The following TMEM202 variants were observed in gnomAD, a reference collection of about 807,000 sequenced individuals.
The protein encoded by TMEM202 is transmembrane protein 202.
TMEM202 carries 25 observed loss-of-function variants against 26.1 expected under a neutral mutation model. The observed-to-expected ratio is 0.96, with a 90% CI of 0.70 to 1.34. The LOEUF (loss-of-function observed/expected upper bound fraction) is 1.34. Ranked by LOEUF, TMEM202 falls within the 40% of genes most tolerant of loss-of-function variation. The pLI, the probability that TMEM202 is intolerant of heterozygous loss-of-function variation, is 0.00. For missense variants in TMEM202, 301 were observed against 327.7 expected, an observed-to-expected ratio of 0.92 and a Z score of 0.63; for synonymous variants, 122 against 119.0, an observed-to-expected ratio of 1.02 and a Z score of -0.16.
rs768075602 is a variant in TMEM202, at chr15:72,407,907, C to G, written c.*14C>G. On this transcript the variant is annotated 3_prime_UTR_variant, in exon 5 of 5. Transcript: ENST00000341689. ...CTGTGGTGGTGATAGGAAAACCTAA[C>G]TATAGCTTGTCTTAAAAGCAGGGGA... is the stretch of plus-strand genomic sequence containing the variant. 6.2e-7 allele frequency: 1 copy of G among 1,607,436 alleles called. No individual in the cohort carries two copies. Among genetic ancestry groups the G allele is most frequent in the East Asian group, 2.2e-5 (1 of 44,738 alleles).
chr15:72,404,239 C>A (rs1446354003), intron 2 of TMEM202, among the ~76,000 whole-genome samples: 1 of 151,902 alleles, frequency 6.6e-6, no homozygotes. Flanking sequence ...CATGGTGAAA[C>A]CCCACCTCCA....
intron 2 of TMEM202, among the ~76,000 whole-genome samples, chr15:72,400,919 G>A (rs181212473): frequency 6.6e-6 from 1 of 152,298 alleles, no homozygotes; most frequent in East Asian, 1.9e-4. Context: ...GCAATTCCCG[G>A]AACTAAGGGT....
At chr15:72,407,463 A>G (rs2063578020) in intron 4 of TMEM202, among the ~76,000 whole-genome samples, 1 of 152,146 alleles carries the variant, frequency 6.6e-6, no homozygotes, top group Non-Finnish European at 1.5e-5. Flanking sequence ...CACACAGAAA[A>G]TAGTGGAACT....
chr15:72,401,316 G>A (rs1326952816), intron 2 of TMEM202, among the ~76,000 whole-genome samples: 2 of 152,102 alleles, frequency 1.3e-5, no homozygotes, highest in Admixed American at 6.5e-5. Context: ...AGGCTGAGGT[G>A]GGGGATCACT....
intron 2 of TMEM202, among the ~76,000 whole-genome samples, chr15:72,401,122 A>G (rs2063545644): frequency 6.6e-6 from 1 of 152,046 alleles, no homozygotes; most frequent in East Asian, 1.9e-4. Flanking sequence ...CTTCTTTACC[A>G]CAGCCTGTTT....
Position 72,398,330 on chromosome 15 carries a change from G to A in TMEM202, c.4G>A (p.Glu2Lys). 1.2e-6 allele frequency: 2 copies of A among 1,612,622 alleles called. No homozygotes were observed. ...AGTTAGAGAACTAACTGCCAAGATG[G>A]AGCGAAGGGAACATTTAACCTTGAC... M[E>K]RREHLTLTFH... is the part of the protein sequence containing the mutation. The change falls in exon 1 of 5, where the codon GAG (glutamate) becomes AAG (lysine). Residue 2 changes from glutamate to lysine, a missense_variant. Glu to Lys is a moderately conservative substitution (Grantham distance 56, BLOSUM62 1). Coordinates refer to ENST00000341689, the MANE Select transcript of TMEM202 (RefSeq NM_001080462.3).
At chr15:72,406,813 T>C (rs2063574079) in intron 3 of TMEM202, 62 bp downstream of exon 3, 2 of 1,541,692 alleles carry the variant, frequency 1.3e-6, no homozygotes, top group South Asian at 2.3e-5. Context: ...ACAAATTTTC[T>C]CTGTGGAACT....
In TMEM202 at chr15:72,408,044, G is replaced by A; in HGVS notation, c.*151G>A. 1 of 617,742 alleles carries A rather than the reference G, an allele frequency of 1.6e-6. No homozygotes were observed. Among genetic ancestry groups the A allele is most frequent in the South Asian group, 2.0e-5 (1 of 48,824 alleles). 38.3% of individuals were successfully genotyped at this position (617,742 alleles called of 1,614,324 possible). A position where few individuals can be genotyped will look rare whatever the true frequency, so the allele number is the denominator to read the frequency against. ...GATGAAATGTCTTTTGCGTGCATTG[G>A]ATCCAAAATATATATGATAGTCATA... On this transcript the variant is annotated 3_prime_UTR_variant, in exon 5 of 5. Transcript: ENST00000341689.
At chr15:72,401,527 A>G (rs1483240081) in intron 2 of TMEM202, among the ~76,000 whole-genome samples, 1 of 152,206 alleles carries the variant, frequency 6.6e-6, no homozygotes, top group Non-Finnish European at 1.5e-5. Flanking sequence ...TGGGTGACAC[A>G]GTGAGACCCT....
At position 72,398,597 on chromosome 15, in the gene TMEM202, C is replaced by T. The variant is rs2063532614; in HGVS notation, c.82-56C>T. 11 of 1,597,628 alleles carry T rather than the reference C, an allele frequency of 6.9e-6. No individual in the cohort carries two copies. The East Asian group carries it at 2.5e-4, about 36-fold the overall frequency. On this transcript the variant is annotated intron_variant, in intron 1 of 4. Transcript: ENST00000341689. ...GCTTGAGGTAGAGAAGAGCGGGTGA[C>T]CCTGGGGATCAGGGGTTATTCTTTC...
At chr15:72,407,260 A>G (rs1368437736) in intron 4 of TMEM202, 43 bp downstream of exon 4, 1 of 1,605,486 alleles carries the variant, frequency 6.2e-7, no homozygotes, top group East Asian at 2.2e-5. Context: ...TGGATAGGGA[A>G]ATCGCTTCTG....
At chr15:72,405,153 T>C (rs1403156803) in intron 2 of TMEM202, among the ~76,000 whole-genome samples, 3 of 152,146 alleles carry the variant, frequency 2.0e-5, no homozygotes, top group Non-Finnish European at 4.4e-5. Context: ...GCTTGATACA[T>C]AATTTCTGCT....
At chr15:72,403,703 C>T (rs976301532) in intron 2 of TMEM202, among the ~76,000 whole-genome samples, 2 of 152,122 alleles carry the variant, frequency 1.3e-5, no homozygotes, top group Non-Finnish European at 1.5e-5. Flanking sequence ...AGCTTTTGGA[C>T]ATTTATTTAT....
At position 72,402,978 on chromosome 15, in the gene TMEM202, G is replaced by A. The variant is rs749455531; in HGVS notation, c.338-3624G>A. Among the ~76,000 whole-genome samples the A allele has an allele frequency of 2.0e-5, 3 of 152,110 alleles. 1 individual carries two copies. The highest frequency in any genetic ancestry group is 4.4e-5 in the Non-Finnish European group (3 of 68,028). On this transcript the variant is annotated intron_variant, in intron 2 of 4. Coordinates refer to ENST00000341689, the MANE Select transcript of TMEM202 (RefSeq NM_001080462.3). ...GTATGTTGCCTTCCGTGCCTTGAAAGCGGTCACAATGGCAGCAGCGTGGAA... is the reference window on the plus strand; with the variant it reads ...GTATGTTGCCTTCCGTGCCTTGAAAACGGTCACAATGGCAGCAGCGTGGAA...
At chr15:72,403,115 G>T (rs915089866) in intron 2 of TMEM202, among the ~76,000 whole-genome samples, 1 of 152,058 alleles carries the variant, frequency 6.6e-6, no homozygotes, top group African/African-American at 2.4e-5. Flanking sequence ...AGGAGATCCC[G>T]CCCATTATTT....
rs758798441 is a variant in TMEM202 at position 72,398,306 on chromosome 15, G to C, written c.-21G>C. ...AGATGCAGAGACAAATTCCGTGGCA[G>C]TTAGAGAACTAACTGCCAAGATGGA... is the stretch of plus-strand genomic sequence containing the variant. On this transcript the variant is annotated 5_prime_UTR_variant, in exon 1 of 5. Coordinates refer to ENST00000341689, the MANE Select transcript of TMEM202 (RefSeq NM_001080462.3). 3 of 1,604,122 alleles carry C rather than the reference G, an allele frequency of 1.9e-6. No individual in the cohort carries two copies. Among genetic ancestry groups the C allele is most frequent in the Admixed American group, 3.4e-5 (2 of 59,164 alleles).
At position 72,407,728 on chromosome 15, in the gene TMEM202, G is replaced by A. The variant is rs35916586; in HGVS notation, c.657G>A (p.Ser219=). 0.017 allele frequency: 26,768 copies of A among 1,613,774 alleles called. 387 individuals carry two copies. The highest frequency in any genetic ancestry group is 0.081 in the East Asian group (3,618 of 44,838). ...ISLLNYLTSR[S]PACDENVTVI... Reference sequence around the variant, plus strand: ...TTCTCAACTACTTAACTTCCAGATCGCCTGCCTGTGATGAAAACGTCACTG... The same window carrying A: ...TTCTCAACTACTTAACTTCCAGATCACCTGCCTGTGATGAAAACGTCACTG... Residue 219 remains serine, a synonymous_variant, in exon 5 of 5, where the codon TCG becomes TCA. Coordinates refer to ENST00000341689, the MANE Select transcript of TMEM202 (RefSeq NM_001080462.3).
At chr15:72,405,449 A>G (rs755368389) in intron 2 of TMEM202, among the ~76,000 whole-genome samples, 5 of 152,174 alleles carry the variant, frequency 3.3e-5, no homozygotes, top group Non-Finnish European at 5.9e-5. Flanking sequence ...AGCAAAAAGT[A>G]AGGTTGAGCA....
intron 4 of TMEM202, among the ~76,000 whole-genome samples, 190 bp downstream of exon 4, chr15:72,407,407 C>G (rs1230855949): frequency 2.0e-5 from 3 of 152,112 alleles, no homozygotes; most frequent in East Asian, 3.9e-4. Context: ...GTAACCTGCT[C>G]TATCACAAAG....
Sources: gnomAD v4.1 joint callset for allele counts (sites outside exome capture counted in the v4.1 genomes callset) on GRCh38, gnomAD v4.1.1 for gene constraint, MANE v1.5 for transcripts, NCBI Gene and HGNC (gene_info 2026-07-23, HGNC 2026-07-21) for gene names.